The following SERGEF variants were observed in gnomAD, a reference collection of about 807,000 sequenced individuals.
SERGEF encodes the protein secretion-regulating guanine nucleotide exchange factor.
SERGEF carries 51 observed loss-of-function variants against 50.0 expected under a neutral mutation model. That is an observed-to-expected ratio of 1.02 (90% CI 0.81 to 1.29). SERGEF has a LOEUF of 1.29. Among genes scored for constraint, SERGEF ranks in the 50% most tolerant of loss-of-function variants. The probability of loss-of-function intolerance (pLI) is 0.00; values close to 1 mark genes in which losing one functional copy is unlikely to be tolerated. For missense variants in SERGEF, 521 were observed against 557.0 expected, an observed-to-expected ratio of 0.94 and a Z score of 0.65; for synonymous variants, 205 against 212.4, an observed-to-expected ratio of 0.97 and a Z score of 0.30.
At chr11:17,996,330 C>A (rs77830365) in intron 5 of SERGEF, among the ~76,000 whole-genome samples, 1 of 152,242 alleles carries the variant, frequency 6.6e-6, no homozygotes, top group East Asian at 1.9e-4. Context: ...AGAGAGGATG[C>A]GATTTGTCTC....
At chr11:17,809,580 A>G (rs921605815) in intron 10 of SERGEF, among the ~76,000 whole-genome samples, 1 of 152,150 alleles carries the variant, frequency 6.6e-6, no homozygotes, top group Admixed American at 6.5e-5. Flanking sequence ...AGGAGGGTCT[A>G]AGGGAGATCA....
chr11:17,864,616 G>A (rs533532190), intron 10 of SERGEF, among the ~76,000 whole-genome samples: 1 of 152,320 alleles, frequency 6.6e-6, no homozygotes, highest in East Asian at 1.9e-4. Context: ...GCGGCCAGGT[G>A]TGGTAGTGGC....
intron 9 of SERGEF, among the ~76,000 whole-genome samples, chr11:17,950,370 T>A (rs1465427811): frequency 6.6e-6 from 1 of 152,220 alleles, no homozygotes; most frequent in Admixed American, 6.5e-5. Context: ...CTCCACTATA[T>A]CTTAAATGCT....
At chr11:17,901,051 G>A (rs1440625336) in intron 9 of SERGEF, among the ~76,000 whole-genome samples, 5 of 150,676 alleles carry the variant, frequency 3.3e-5, no homozygotes, top group Non-Finnish European at 7.4e-5. Context: ...CCCCAAATCT[G>A]TTTCCCTTAC....
intron 10 of SERGEF, among the ~76,000 whole-genome samples, chr11:17,848,820 T>C (rs1259680322): frequency 6.6e-6 from 1 of 152,242 alleles, no homozygotes; most frequent in Non-Finnish European, 1.5e-5. Context: ...AATGGACATC[T>C]TCAAGGCTCT....
chr11:17,895,438 G>A (rs1477296548), intron 9 of SERGEF, among the ~76,000 whole-genome samples: 1 of 152,106 alleles, frequency 6.6e-6, no homozygotes, highest in Non-Finnish European at 1.5e-5. Context: ...TCTCTTCCTA[G>A]GCACAGCCCG....
chr11:17,920,009 A>G (rs1026334840), intron 9 of SERGEF, among the ~76,000 whole-genome samples: 3 of 151,584 alleles, frequency 2.0e-5, no homozygotes, highest in African/African-American at 7.3e-5. Context: ...ACACTTTGGG[A>G]GGCCAAGGCG....
intron 10 of SERGEF, among the ~76,000 whole-genome samples, chr11:17,795,251 C>G (rs929301732): frequency 6.6e-5 from 10 of 152,276 alleles, no homozygotes; most frequent in South Asian, 2.1e-4. Flanking sequence ...TTTAGCCACC[C>G]AAGCTCATAG....
chr11:17,856,333 T>C (rs1036873592), intron 10 of SERGEF: 4 of 152,366 alleles, frequency 2.6e-5, no homozygotes, highest in African/African-American at 9.7e-5. Flanking sequence ...TGATTCCCAA[T>C]TACACATTAC....
chr11:17,894,756 G>A (rs1366629303), intron 9 of SERGEF, among the ~76,000 whole-genome samples: 1 of 152,148 alleles, frequency 6.6e-6, no homozygotes, highest in Non-Finnish European at 1.5e-5. Flanking sequence ...ATTTATCTCT[G>A]AACTTCCTCA....
chr11:17,990,352 T>C (rs1159746996), intron 7 of SERGEF, among the ~76,000 whole-genome samples: 1 of 152,194 alleles, frequency 6.6e-6, no homozygotes, highest in Non-Finnish European at 1.5e-5. Context: ...CCCTGCAACA[T>C]TGACATTCTG....
chr11:17,841,291 G>C (rs1850497715), intron 10 of SERGEF, among the ~76,000 whole-genome samples: 1 of 152,200 alleles, frequency 6.6e-6, no homozygotes, highest in Non-Finnish European at 1.5e-5. Context: ...ATTCAGATCA[G>C]ATCTTCCTCT....
At chr11:17,921,677 G>A (rs1254895486) in intron 9 of SERGEF, among the ~76,000 whole-genome samples, 6 of 152,172 alleles carry the variant, frequency 3.9e-5, no homozygotes, top group Non-Finnish European at 8.8e-5. Flanking sequence ...TCACCCCAGG[G>A]GAGAGCAAGA....
At chr11:17,926,730 A>G (rs746572368) in intron 9 of SERGEF, 4 of 456,142 alleles carry the variant, frequency 8.8e-6, no homozygotes, top group South Asian at 3.1e-5. Flanking sequence ...CCAAGACCAG[A>G]GTCCTACCTT....
chr11:17,877,106 A>G (rs1046990215), intron 10 of SERGEF, among the ~76,000 whole-genome samples: 2 of 152,256 alleles, frequency 1.3e-5, no homozygotes, highest in African/African-American at 4.8e-5. Flanking sequence ...GTCTCTGCTA[A>G]GAGCCACACA....
intron 10 of SERGEF, among the ~76,000 whole-genome samples, chr11:17,860,136 C>T (rs374459545): frequency 1.6e-4 from 24 of 152,226 alleles, no homozygotes; most frequent in Admixed American, 1.1e-3. Context: ...AAAGAGTTGA[C>T]GTCTTTGACC....
chr11:17,956,471 G>A (rs1852873731), intron 9 of SERGEF, among the ~76,000 whole-genome samples: 1 of 152,196 alleles, frequency 6.6e-6, no homozygotes, highest in Non-Finnish European at 1.5e-5. Flanking sequence ...TGTAACACCT[G>A]CACACAGGTT....
At chr11:17,830,307 C>T (rs988603103) in intron 10 of SERGEF, among the ~76,000 whole-genome samples, 3 of 152,196 alleles carry the variant, frequency 2.0e-5, no homozygotes, top group African/African-American at 7.2e-5. Flanking sequence ...AGTTAATGAC[C>T]TTTCTTCAGG....
chr11:17,834,821 T>G (rs1850373099), intron 10 of SERGEF, among the ~76,000 whole-genome samples: 2 of 152,200 alleles, frequency 1.3e-5, no homozygotes, highest in Admixed American at 1.3e-4. Flanking sequence ...GCCCATAGGC[T>G]AAAATCAAAC....
Sources: allele counts gnomAD v4.1 joint callset (sites outside exome capture counted in the v4.1 genomes callset), GRCh38; gene constraint gnomAD v4.1.1; transcripts MANE v1.5; gene names NCBI Gene and HGNC (gene_info 2026-07-23, HGNC 2026-07-21).